NINL: variants seen among roughly 807,000 people sequenced by gnomAD.
NINL encodes ninein-like protein.
Under a neutral mutation model 160.3 loss-of-function variants are expected in NINL, and 153 were observed. The observed-to-expected ratio is 0.95, with a 90% CI of 0.84 to 1.09. NINL has a LOEUF of 1.09. Among genes scored for constraint, NINL ranks in the 50% least tolerant of loss-of-function variants. The pLI, the probability that NINL is intolerant of heterozygous loss-of-function variation, is 0.00. For synonymous variants in NINL, 800 were observed against 734.8 expected, an observed-to-expected ratio of 1.09 and a Z score of -1.43; for missense variants, 1,829 against 1,764.0, an observed-to-expected ratio of 1.04 and a Z score of -0.66.
intron 13 of NINL, among the ~76,000 whole-genome samples, chr20:25,484,449 G>A (rs942609869): frequency 6.6e-6 from 1 of 152,212 alleles, no homozygotes; most frequent in Non-Finnish European, 1.5e-5. Flanking sequence ...GGCAGGTGCT[G>A]GGGCATCTCA....
At chr20:25,576,616 G>A (rs888445452) in intron 1 of NINL, among the ~76,000 whole-genome samples, 8 of 151,114 alleles carry the variant, frequency 5.3e-5, no homozygotes, top group Middle Eastern at 3.4e-3. Context: ...ATGCCACTGT[G>A]CCTAGCTAAT....
chr20:25,572,492 AC>A (rs965727016), intron 1 of NINL, among the ~76,000 whole-genome samples: 15 of 152,136 alleles, frequency 9.9e-5, no homozygotes, highest in Non-Finnish European at 1.9e-4. Flanking sequence ...ATTCCTAGGC[AC>A]TTTGGAATTT....
chr20:25,480,450 A>G (rs76976017), intron 14 of NINL, among the ~76,000 whole-genome samples, 183 bp from the exon 15 acceptor site: 2,096 of 152,252 alleles, frequency 0.014, 18 homozygotes, highest in Non-Finnish European at 0.021. Context: ...ATTTATCAGA[A>G]CACTCAGAGA....
chr20:25,455,088 C>T (rs6115190), intron 23 of NINL, among the ~76,000 whole-genome samples: 12,098 of 152,130 alleles, frequency 0.08, 708 homozygotes, highest in South Asian at 0.19. Context: ...GCACCCTCCT[C>T]GGAGTCCCCC....
chr20:25,475,515 AT>A (rs2063209189), intron 17 of NINL, among the ~76,000 whole-genome samples: 1 of 152,178 alleles, frequency 6.6e-6, no homozygotes, highest in African/African-American at 2.4e-5. Context: ...CCTCAACAAA[AT>A]ACTAGCAAAA....
intron 17 of NINL, among the ~76,000 whole-genome samples, chr20:25,475,559 G>A (rs2063210712): frequency 6.6e-6 from 1 of 152,136 alleles, no homozygotes; most frequent in South Asian, 2.1e-4. Context: ...GCCTCTTCTG[G>A]GAACAACAAT....
intron 1 of NINL, among the ~76,000 whole-genome samples, chr20:25,548,770 C>T (rs532982578): frequency 2.0e-4 from 30 of 149,836 alleles, no homozygotes; most frequent in Middle Eastern, 3.6e-3. Context: ...CCCCAGCACC[C>T]ACGGCCACAG....
rs200735097 is a variant in NINL, at chr20:25,476,281, C to T, written c.3010G>A (p.Ala1004Thr). The change falls in exon 17 of 24, where the codon GCC (alanine) becomes ACC (threonine). Residue 1004 changes from alanine (A) to threonine (T), a missense_variant. By Grantham distance (58) the Ala-to-Thr change is moderately conservative. Transcript: ENST00000278886. ...TGCTTGTGACACCCAGGCTCCAGGGCGCCCTCGGCCCGGGCCTGCTGCTCC... is the reference window on the plus strand; with the variant it reads ...TGCTTGTGACACCCAGGCTCCAGGGTGCCCTCGGCCCGGGCCTGCTGCTCC... ...ASEQQARAEG[A>T]LEPGCHKHSV... 7.2e-5 allele frequency: 116 copies of T among 1,613,408 alleles called. No homozygotes were observed. The highest frequency in any genetic ancestry group is 1.6e-4 in the Middle Eastern group (1 of 6,072).
chr20:25,493,293 C>T lies in NINL; in HGVS notation c.1311-1768G>A, dbSNP rs554044825. Among the ~76,000 whole-genome samples the T allele has an allele frequency of 2.6e-4, 39 of 152,220 alleles. No individual in the cohort carries two copies. In the Middle Eastern group the frequency reaches 0.01, roughly 40 times the overall value. On this transcript the variant is annotated intron_variant, in intron 10 of 23. Transcript: ENST00000278886. Reference sequence around the variant, plus strand: ...CCCAAGGCTGGGATGAGGCTGTGCTCGGGAGAACGAAGTCGCTGGAGGTCA... The same window carrying T: ...CCCAAGGCTGGGATGAGGCTGTGCTTGGGAGAACGAAGTCGCTGGAGGTCA...
In NINL at chr20:25,496,821, C is replaced by T. The variant is rs757357748; in HGVS notation, c.1170-18G>A. 5.6e-6 allele frequency: 9 copies of T among 1,612,698 alleles called. No homozygotes were observed. Among genetic ancestry groups the T allele is most frequent in the Non-Finnish European group, 7.6e-6 (9 of 1,179,294 alleles). On this transcript the variant is annotated intron_variant, in intron 9 of 23. Coordinates refer to ENST00000278886, the MANE Select transcript of NINL (RefSeq NM_025176.6). ...CCTGCCCTCTGCCACAGGAAGGAGA[C>T]AGGGTCAGATGGGACCCCACTGCTG...
At chr20:25,528,788 T>G (rs1038884184) in intron 1 of NINL, among the ~76,000 whole-genome samples, 14 of 152,120 alleles carry the variant, frequency 9.2e-5, no homozygotes, top group Admixed American at 6.5e-4. Flanking sequence ...GCACAAGAAC[T>G]AAGGAACAAT....
At chr20:25,543,486 G>A (rs1334598002) in intron 1 of NINL, among the ~76,000 whole-genome samples, 1 of 152,202 alleles carries the variant, frequency 6.6e-6, no homozygotes, top group Non-Finnish European at 1.5e-5. Context: ...AGGCTCTGGA[G>A]GAGGGAACCT....
intron 8 of NINL, among the ~76,000 whole-genome samples, chr20:25,498,579 G>A (rs940987656): frequency 2.6e-5 from 4 of 152,202 alleles, no homozygotes; most frequent in African/African-American, 4.8e-5. Flanking sequence ...GGGTGCGTAG[G>A]CCCAGGCTAG....
intron 23 of NINL, among the ~76,000 whole-genome samples, chr20:25,455,296 G>C (rs930733103): frequency 6.6e-6 from 1 of 152,088 alleles, no homozygotes; most frequent in Non-Finnish European, 1.5e-5. Flanking sequence ...ATCATGGCCC[G>C]AGGTCATGTA....
intron 1 of NINL, among the ~76,000 whole-genome samples, chr20:25,562,854 T>C (rs1030620832): frequency 1.5e-4 from 22 of 151,502 alleles, no homozygotes; most frequent in Non-Finnish European, 1.0e-4. Context: ...GTTTCAGGAA[T>C]AAAGGAAGAG....
Position 25,512,896 on chromosome 20 carries a change from G to C in NINL, c.388C>G (p.Gln130Glu), listed in dbSNP as rs1314156867. The change falls in exon 4 of 24, where the codon CAG becomes GAG. Residue 130 changes from glutamine (Q) to glutamate (E), a missense_variant. By Grantham distance (29) the Gln-to-Glu change is conservative. Coordinates refer to ENST00000278886, the MANE Select transcript of NINL (RefSeq NM_025176.6). ...AATEARRVPE[Q>E]QTQASLKSHL... ...CTTTTCAGGCTGGCCTGGGTTTGCT[G>C]CTCCGGCACGCGTCTGGCTTCTGTG... 1 of 1,614,190 alleles carries C rather than the reference G, an allele frequency of 6.2e-7. No homozygotes were observed. Among genetic ancestry groups the C allele is most frequent in the Non-Finnish European group, 8.5e-7 (1 of 1,180,034 alleles).
intron 10 of NINL, among the ~76,000 whole-genome samples, chr20:25,493,914 ACCT>A (rs960142726): frequency 7.9e-5 from 12 of 151,908 alleles, no homozygotes; most frequent in Non-Finnish European, 1.8e-4. Context: ...CTCACCAGAC[ACCT>A]CCTCATGTTT....
intron 22 of NINL, 43 bp downstream of exon 22, chr20:25,458,340 C>T: frequency 6.2e-7 from 1 of 1,601,602 alleles, no homozygotes; most frequent in Non-Finnish European, 8.5e-7. Context: ...GCCTCACCCT[C>T]CTCCTCATCT....
rs758540204 is a variant in NINL at position 25,458,366 on chromosome 20, G to A, written c.3843+17C>T. 3.7e-6 allele frequency: 6 copies of A among 1,604,552 alleles called. No homozygotes were observed. The highest frequency in any genetic ancestry group is 2.2e-5 in the South Asian group (2 of 90,996). ...CTCCTCATCTCGTCAGCCATCTCTCGCTGCATCCCCACTTACCCGCTGTGC... is the reference window on the plus strand; with the variant it reads ...CTCCTCATCTCGTCAGCCATCTCTCACTGCATCCCCACTTACCCGCTGTGC... On this transcript the variant is annotated intron_variant, in intron 22 of 23. Coordinates refer to ENST00000278886, the MANE Select transcript of NINL (RefSeq NM_025176.6).
Sources: gnomAD v4.1 joint callset for allele counts (sites outside exome capture counted in the v4.1 genomes callset) on GRCh38, gnomAD v4.1.1 for gene constraint, MANE v1.5 for transcripts, NCBI Gene and HGNC (gene_info 2026-07-23, HGNC 2026-07-21) for gene names.